Variants in CARD9 observed in about 807,000 individuals in gnomAD.
The protein encoded by CARD9 is caspase recruitment domain family member 9, also known as caspase recruitment domain-containing protein 9.
CARD9 carries 53 observed loss-of-function variants against 66.0 expected under a neutral mutation model. The ratio of observed to expected loss-of-function variants is 0.80; its 90% CI spans 0.64 to 1.01. CARD9 has a LOEUF of 1.01. CARD9 is among the 50% of genes least tolerant of loss of function. The pLI is 0.00. For missense variants in CARD9, 769 were observed against 743.2 expected (o/e 1.03, Z -0.40); for synonymous variants, 387 against 313.8 (o/e 1.23, Z -2.47).
At chr9:136,368,813 C>T (rs1051992972) in intron 7 of CARD9, among the ~76,000 whole-genome samples, 16 of 151,954 alleles carry the variant, frequency 1.1e-4, no homozygotes, top group Non-Finnish European at 1.9e-4. Context: ...TGCGCCACCA[C>T]GACCAGTTAA....
At position 136,366,719 on chromosome 9, in the gene CARD9, G is replaced by A. The variant is rs532217337; in HGVS notation, c.1357+81C>T. On this transcript the variant is annotated intron_variant, in intron 10 of 12. Coordinates refer to ENST00000371732, the MANE Select transcript of CARD9 (RefSeq NM_052813.5). ...TTGTGGGGGTTGACACAGGCATTGC[G>A]GCACGGGCTGCCTGTGCTGAAGATG... 43 of 1,465,068 alleles carry A rather than the reference G, an allele frequency of 2.9e-5. 1 individual carries two copies. Among genetic ancestry groups the A allele is most frequent in the South Asian group, 2.0e-4 (18 of 88,190 alleles). The allele number at this position is 1,465,068 out of a possible 1,614,324, so 90.8% of individuals were successfully genotyped here.
chr9:136,371,817 G>A (rs1833282536), intron 2 of CARD9, 78 bp downstream of exon 2: 1 of 1,542,858 alleles, frequency 6.5e-7, no homozygotes, highest in Admixed American at 1.8e-5. Flanking sequence ...TGAGGGTCAG[G>A]GTGGCAGAGC....
Position 136,371,317 on chromosome 9 carries a change from C to A in CARD9, c.322+7G>T. On this transcript the variant is annotated splice_region_variant and intron_variant, in intron 3 of 12. Transcript: ENST00000371732. ...CCCCTGTCGGCCCCGCCTCCCCCGTCACTCACCGATGATCATGGAGAAGAC... is the reference window on the plus strand; with the variant it reads ...CCCCTGTCGGCCCCGCCTCCCCCGTAACTCACCGATGATCATGGAGAAGAC... 6.2e-7 allele frequency: 1 copy of A among 1,601,010 alleles called. No homozygotes were observed. Among genetic ancestry groups the A allele is most frequent in the Non-Finnish European group, 8.5e-7 (1 of 1,174,342 alleles).
intron 1 of CARD9, 26 bp from the exon 2 acceptor site, chr9:136,372,120 A>G (rs1233151928): frequency 6.2e-7 from 1 of 1,609,652 alleles, no homozygotes; most frequent in East Asian, 2.2e-5. Flanking sequence ...CAGTGCTGAG[A>G]GCGATGCCGG....
intron 3 of CARD9, 48 bp downstream of exon 3, chr9:136,371,276 C>T: frequency 6.3e-7 from 1 of 1,578,074 alleles, no homozygotes. Flanking sequence ...CCACTGCCCG[C>T]TCCCCGCCAG....
Position 136,370,630 on chromosome 9 carries a change from C to T in CARD9, c.699G>A (p.Lys233=), listed in dbSNP as rs1360134395. Residue 233 remains lysine (K), a synonymous_variant, in exon 5 of 13, where the codon AAG becomes AAA. Coordinates refer to ENST00000371732, the MANE Select transcript of CARD9 (RefSeq NM_052813.5). ...DCKVERKHTL[K]LRHAMEQRPS... ...GCCGCTGCTCCATGGCGTGCCTGAG[C>T]TTCAGCGTGTGCTTGCGCTCCACCT... The T allele has an allele frequency of 1.9e-6, 3 of 1,612,764 alleles. No individual in the cohort carries two copies. Among genetic ancestry groups the T allele is most frequent in the Non-Finnish European group, 2.5e-6 (3 of 1,179,910 alleles).
In CARD9 at chr9:136,370,919, G is replaced by A. The variant is rs528585158; in HGVS notation, c.549C>T (p.Tyr183=). Residue 183 remains tyrosine (Y), a synonymous_variant, in exon 4 of 13, where the codon TAC becomes TAT. Transcript: ENST00000371732. The stretch of plus-strand genomic sequence containing the variant: ...GGTGCGCCAGGCGCATGGCCAGGTC[G>A]TAGTTCTCCTCCTTGCAGCGCTTGA... ...RELKRCKEEN[Y]DLAMRLAHQS... The A allele has an allele frequency of 6.6e-5, 107 of 1,612,188 alleles. 3 individuals carry two copies. The South Asian group carries it at 1.0e-3, about 15-fold the overall frequency.
chr9:136,370,270 A>T (rs1233315802), intron 6 of CARD9, 24 bp downstream of exon 6: 2 of 1,592,808 alleles, frequency 1.3e-6, no homozygotes, highest in South Asian at 1.1e-5. Flanking sequence ...CCCAGGGGCC[A>T]TGTCTCCCCG....
At chr9:136,366,473 G>A (rs535129505) in intron 10 of CARD9, 40 of 438,804 alleles carry the variant, frequency 9.1e-5, no homozygotes, top group African/African-American at 7.2e-4. Flanking sequence ...TCTGCACCCC[G>A]TGGGGGCTGC....
At chr9:136,371,296 T>G (rs543302171) in intron 3 of CARD9, 28 bp downstream of exon 3, 9 of 1,588,864 alleles carry the variant, frequency 5.7e-6, no homozygotes, top group Non-Finnish European at 6.8e-6. Flanking sequence ...GCGCCTCCCC[T>G]GTCGGCCCCG....
chr9:136,370,655 T>C lies in CARD9; in HGVS notation c.674A>G (p.Lys225Arg), dbSNP rs753501051. The stretch of plus-strand genomic sequence containing the variant: ...CTTCAGCGTGTGCTTGCGCTCCACC[T>C]TGCAGTCGTCCTCGGCCTTCATGAG... ...HSLMKAEDDCKVERKHTLKLR... is the reference protein window; with the variant it reads ...HSLMKAEDDCRVERKHTLKLR... Residue 225 changes from lysine to arginine, a missense_variant, in exon 5 of 13, where the codon AAG (lysine) becomes AGG (arginine). Physicochemically the swap from Lys to Arg is conservative, Grantham distance 26. Coordinates refer to ENST00000371732, the MANE Select transcript of CARD9 (RefSeq NM_052813.5). The C allele has an allele frequency of 1.2e-6, 2 of 1,612,656 alleles. No homozygotes were observed. Among genetic ancestry groups the C allele is most frequent in the Non-Finnish European group, 1.7e-6 (2 of 1,179,916 alleles).
At chr9:136,371,526 G>GGGCC in intron 2 of CARD9, 65 bp from the exon 3 acceptor site, 1 of 516,028 alleles carries the variant, frequency 1.9e-6, no homozygotes, top group Non-Finnish European at 3.6e-6. Flanking sequence ...GGGTGGGTGG[G>GGGCC]CCTGGGGGCA....
At chr9:136,370,263 A>G (rs1214897245) in intron 6 of CARD9, 31 bp downstream of exon 6, 2 of 1,590,674 alleles carry the variant, frequency 1.3e-6, no homozygotes, top group Non-Finnish European at 1.7e-6. Context: ...CTTGGACCCC[A>G]GGGGCCATGT....
intron 6 of CARD9, chr9:136,370,081 G>T: frequency 7.2e-7 from 1 of 1,384,968 alleles, no homozygotes; most frequent in Non-Finnish European, 9.6e-7. Flanking sequence ...ACACTGCTGT[G>T]CCTCAGGCAC....
chr9:136,368,059 C>A, intron 7 of CARD9: 2 of 1,397,140 alleles, frequency 1.4e-6, no homozygotes, highest in Non-Finnish European at 1.9e-6. Flanking sequence ...CAAGCCTGCA[C>A]CCCCGGTGGA....
chr9:136,370,602 T>A lies in CARD9; in HGVS notation c.727A>T (p.Ser243Cys). ...KLRHAMEQRP[S>C]QELLWELQQE... ...TGCAGCTCCCACAGCAGCTCCTGGC[T>A]GGGCCGCTGCTCCATGGCGTGCCTG... Residue 243 changes from serine (S) to cysteine (C), a missense_variant, in exon 5 of 13, where the codon AGC (serine) becomes TGC (cysteine). Physicochemically the swap from Ser to Cys is moderately radical, Grantham distance 112. Coordinates refer to ENST00000371732, the MANE Select transcript of CARD9 (RefSeq NM_052813.5). 1.2e-6 allele frequency: 2 copies of A among 1,612,610 alleles called. No individual in the cohort carries two copies. The highest frequency in any genetic ancestry group is 1.7e-6 in the Non-Finnish European group (2 of 1,179,868).
intron 7 of CARD9, among the ~76,000 whole-genome samples, chr9:136,369,008 C>CG (rs1833192942): frequency 6.6e-6 from 1 of 152,142 alleles, no homozygotes; most frequent in Non-Finnish European, 1.5e-5. Flanking sequence ...TTAGTAGAGA[C>CG]GGGGTTTCCC....
In CARD9 at chr9:136,364,211, G is replaced by GTTC. The variant is rs1833055758; in HGVS notation, c.*90_*91insGAA. Reference sequence around the variant, plus strand: ...TTCCAGGCCAAGTCAGCGACGGCTCGGGGAAGTCTGCGCCCCAGGGCGTCG... The same window carrying GTTC: ...TTCCAGGCCAAGTCAGCGACGGCTCGTTCGGGAAGTCTGCGCCCCAGGGCGTCG... On this transcript the variant is annotated 3_prime_UTR_variant, in exon 13 of 13. Transcript: ENST00000371732. The GTTC allele has an allele frequency of 1.3e-6, 2 of 1,550,526 alleles. No individual in the cohort carries two copies. The highest frequency in any genetic ancestry group is 4.9e-5 in the East Asian group (2 of 41,036).
chr9:136,365,197 TC>T lies in CARD9; in HGVS notation c.1377del (p.Ser460AlafsTer23). ...AGAGCTGCAAAGGGCTGTTTCGGGC[TC>T]CCCCCGCCGGCAAGGCAGCCTGGAA... is the stretch of plus-strand genomic sequence containing the variant. ...LSDKGCLAGG[G>X]SPKQPFAALH... On this transcript the variant is annotated frameshift_variant, in exon 11 of 13. Transcript: ENST00000371732. LOFTEE classifies it high-confidence loss of function. 1.2e-6 allele frequency: 2 copies of T among 1,604,602 alleles called. No individual in the cohort carries two copies. Among genetic ancestry groups the T allele is most frequent in the Non-Finnish European group, 8.5e-7 (1 of 1,177,804 alleles).
Sources: gnomAD v4.1 joint callset for allele counts (sites outside exome capture counted in the v4.1 genomes callset) on GRCh38, gnomAD v4.1.1 for gene constraint, MANE v1.5 for transcripts, NCBI Gene and HGNC (gene_info 2026-07-23, HGNC 2026-07-21) for gene names.